PXDNL: variants seen among roughly 807,000 people sequenced by gnomAD.
PXDNL encodes probable oxidoreductase PXDNL.
PXDNL carries 145 observed loss-of-function variants against 150.8 expected under a neutral mutation model. The observed-to-expected ratio is 0.96, with a 90% CI of 0.84 to 1.10. The LOEUF (loss-of-function observed/expected upper bound fraction) is 1.10, where lower values mean the gene tolerates loss of function less well. Ranked by LOEUF, PXDNL falls within the 50% of genes least tolerant of loss-of-function variation. The pLI, the probability that PXDNL is intolerant of heterozygous loss-of-function variation, is 0.00. For missense variants in PXDNL, 2,087 were observed against 1,873.9 expected (o/e 1.11, Z -2.10); for synonymous variants, 757 against 725.7 (o/e 1.04, Z -0.69).
intron 4 of PXDNL, among the ~76,000 whole-genome samples, chr8:51,555,335 T>C (rs1812577733): frequency 6.6e-6 from 1 of 152,184 alleles, no homozygotes. Context: ...AATCTATTCA[T>C]TACCTTTCAT....
chr8:51,665,733 T>C (rs192482924), intron 1 of PXDNL, among the ~76,000 whole-genome samples: 24 of 152,324 alleles, frequency 1.6e-4, no homozygotes, highest in South Asian at 1.4e-3. Context: ...TAACAGAATG[T>C]ACATTCCTCT....
chr8:51,499,559 C>T, intron 5 of PXDNL, 140 bp downstream of exon 5: 2 of 592,566 alleles, frequency 3.4e-6, no homozygotes. Context: ...TTTATATTAA[C>T]TCTGTTTTGT....
At chr8:51,547,895 C>T (rs1052254831) in intron 4 of PXDNL, among the ~76,000 whole-genome samples, 1 of 152,054 alleles carries the variant, frequency 6.6e-6, no homozygotes, top group African/African-American at 2.4e-5. Flanking sequence ...TTAAGCTACT[C>T]AGGGAAGCAT....
At chr8:51,645,622 G>A (rs1814901658) in intron 2 of PXDNL, among the ~76,000 whole-genome samples, 1 of 152,164 alleles carries the variant, frequency 6.6e-6, no homozygotes, top group Non-Finnish European at 1.5e-5. Context: ...AAGTGCATTT[G>A]CTGATAGATG....
At chr8:51,403,555 G>A (rs1420237548) in intron 17 of PXDNL, among the ~76,000 whole-genome samples, 1 of 152,214 alleles carries the variant, frequency 6.6e-6, no homozygotes, top group Admixed American at 6.5e-5. Flanking sequence ...CCTTGGTGCA[G>A]CAAGACCCAT....
chr8:51,700,954 CACAT>C (rs1308603631), intron 1 of PXDNL, among the ~76,000 whole-genome samples: 1 of 151,962 alleles, frequency 6.6e-6, no homozygotes, highest in Non-Finnish European at 1.5e-5. Flanking sequence ...CATATACAGA[CACAT>C]ACACACATAC....
intron 8 of PXDNL, 125 bp downstream of exon 8, chr8:51,472,061 AT>A: frequency 5.0e-6 from 3 of 604,900 alleles, no homozygotes; most frequent in Non-Finnish European, 8.7e-6. Flanking sequence ...GTTAAAAGGC[AT>A]TTTATCTTTA....
intron 1 of PXDNL, among the ~76,000 whole-genome samples, chr8:51,808,765 A>C (rs1286898645): frequency 6.6e-6 from 1 of 152,184 alleles, no homozygotes; most frequent in Non-Finnish European, 1.5e-5. Context: ...GTCAGCACAT[A>C]ATCAATTGAA....
intron 1 of PXDNL, among the ~76,000 whole-genome samples, chr8:51,706,134 A>C (rs1816373686): frequency 6.6e-6 from 1 of 152,244 alleles, no homozygotes; most frequent in African/African-American, 2.4e-5. Context: ...AACATGGTGA[A>C]ACCCCTTCTC....
chr8:51,531,277 T>G (rs769922931), intron 4 of PXDNL, among the ~76,000 whole-genome samples: 1 of 152,246 alleles, frequency 6.6e-6, no homozygotes. Flanking sequence ...TGCCATGCAT[T>G]GTAGACCAGT....
chr8:51,590,410 A>G (rs1813417377), intron 3 of PXDNL, among the ~76,000 whole-genome samples: 1 of 152,044 alleles, frequency 6.6e-6, no homozygotes, highest in Admixed American at 6.6e-5. Context: ...ACCTATAGCC[A>G]GAGTGGAAAC....
At chr8:51,349,170 T>TG (rs761681309) in intron 19 of PXDNL, among the ~76,000 whole-genome samples, 1 of 65,308 alleles carries the variant, frequency 1.5e-5, no homozygotes, top group African/African-American at 3.4e-5. Flanking sequence ...TGGGTGTGTG[T>TG]GTGGGGGTGT....
intron 3 of PXDNL, among the ~76,000 whole-genome samples, chr8:51,558,424 A>G (rs1209252159): frequency 1.3e-5 from 2 of 152,114 alleles, no homozygotes; most frequent in African/African-American, 4.8e-5. Context: ...AAAGGCCCTT[A>G]GACTATTAGA....
intron 3 of PXDNL, among the ~76,000 whole-genome samples, chr8:51,566,295 C>T (rs1812828125): frequency 6.6e-6 from 1 of 151,616 alleles, no homozygotes; most frequent in Non-Finnish European, 1.5e-5. Flanking sequence ...GTAATGTTGG[C>T]CTCAGATAAT....
chr8:51,494,903 T>C (rs1279484148), intron 5 of PXDNL, among the ~76,000 whole-genome samples: 1 of 152,008 alleles, frequency 6.6e-6, no homozygotes, highest in East Asian at 1.9e-4. Flanking sequence ...TATCCAGGAA[T>C]TGAACTCGGC....
chr8:51,621,943 CAAAAAAAAA>C (rs71237221), intron 2 of PXDNL, among the ~76,000 whole-genome samples: 1 of 128,246 alleles, frequency 7.8e-6, no homozygotes, highest in Non-Finnish European at 1.7e-5. Flanking sequence ...GACCCTGTCT[CAAAAAAAAA>C]AAAAAAAAAA....
intron 1 of PXDNL, among the ~76,000 whole-genome samples, chr8:51,712,641 A>G (rs1816523586): frequency 6.6e-6 from 1 of 152,204 alleles, no homozygotes; most frequent in Non-Finnish European, 1.5e-5. Context: ...CTTAGTTATT[A>G]CAGTATAAGA....
intron 4 of PXDNL, among the ~76,000 whole-genome samples, chr8:51,526,944 A>C (rs73583070): frequency 0.031 from 4,667 of 152,222 alleles, 217 homozygotes; most frequent in African/African-American, 0.11. Flanking sequence ...GGGAATAACC[A>C]TCATTCACCT....
intron 4 of PXDNL, among the ~76,000 whole-genome samples, chr8:51,522,878 A>AC (rs997406483): frequency 2.0e-5 from 3 of 151,512 alleles, no homozygotes; most frequent in African/African-American, 4.9e-5. Context: ...AAACAAACAA[A>AC]AAAAAAACAG....
Sources: gnomAD v4.1 joint callset for allele counts (sites outside exome capture counted in the v4.1 genomes callset) on GRCh38, gnomAD v4.1.1 for gene constraint, MANE v1.5 for transcripts, NCBI Gene and HGNC (gene_info 2026-07-23, HGNC 2026-07-21) for gene names.